Variants in FRYL observed in about 807,000 individuals in gnomAD.
FRYL encodes the protein protein furry homolog-like.
A neutral mutation model predicts 351.2 loss-of-function variants in FRYL; 150 were observed. The observed-to-expected ratio is 0.43, with a 90% CI of 0.37 to 0.49. The LOEUF (loss-of-function observed/expected upper bound fraction) is 0.49. Among genes scored for constraint, FRYL ranks in the 20% least tolerant of loss-of-function variants. FRYL has a pLI of 0.00. For missense variants in FRYL, 3,036 were observed against 3,619.3 expected, an observed-to-expected ratio of 0.84 and a Z score of 4.13; for synonymous variants, 1,153 against 1,257.1, an observed-to-expected ratio of 0.92 and a Z score of 1.75.
chr4:48,640,148 G>A (rs1388026399), intron 3 of FRYL, among the ~76,000 whole-genome samples: 1 of 152,040 alleles, frequency 6.6e-6, no homozygotes, highest in Non-Finnish European at 1.5e-5. Flanking sequence ...CAGGAAACAT[G>A]CTCCCTGGTA....
At chr4:48,505,363 G>T in intron 60 of FRYL, 184 bp downstream of exon 60, 20 of 616,684 alleles carry the variant, frequency 3.2e-5, no homozygotes, top group East Asian at 6.1e-5. Flanking sequence ...TTATTAAAGT[G>T]AATTTTTCAT....
intron 55 of FRYL, among the ~76,000 whole-genome samples, chr4:48,515,814 C>T (rs368132502): frequency 6.6e-6 from 1 of 152,054 alleles, no homozygotes; most frequent in Non-Finnish European, 1.5e-5. Context: ...TAGGTGTTTA[C>T]TTGGAAATAT....
chr4:48,637,364 CAG>C (rs879617318), intron 3 of FRYL: 4 of 151,952 alleles, frequency 2.6e-5, no homozygotes, highest in Non-Finnish European at 5.9e-5. Context: ...AGGAGAGAAA[CAG>C]GGATGATCAC....
intron 4 of FRYL, among the ~76,000 whole-genome samples, chr4:48,628,392 G>GA (rs548907409): frequency 1.0e-3 from 158 of 150,836 alleles, no homozygotes; most frequent in African/African-American, 3.6e-3. Context: ...TCTGGGTACA[G>GA]AAAAAATGTG....
intron 3 of FRYL, among the ~76,000 whole-genome samples, chr4:48,669,921 A>AT (rs56756869): frequency 0.026 from 3,965 of 149,628 alleles, 167 homozygotes; most frequent in African/African-American, 0.091. Flanking sequence ...TTTACTGTCA[A>AT]TTTTTTTTTT....
At chr4:48,752,137 C>T (rs923780222) in intron 1 of FRYL, among the ~76,000 whole-genome samples, 24 of 152,114 alleles carry the variant, frequency 1.6e-4, no homozygotes, top group African/African-American at 5.1e-4. Context: ...AGTATTATAT[C>T]GTAGTGGATG....
chr4:48,550,643 G>A lies in FRYL; in HGVS notation c.4582C>T (p.Leu1528=). Residue 1528 remains leucine, a synonymous_variant, in exon 38 of 64, where the codon CTA becomes TTA. Coordinates refer to ENST00000358350, the MANE Select transcript of FRYL (RefSeq NM_015030.2). Reference sequence around the variant, plus strand: ...GAGCTGCTACTGTATCGGGATTCTAGTCTGTGATGTTGCCGATTCAAATGA... The same window carrying A: ...GAGCTGCTACTGTATCGGGATTCTAATCTGTGATGTTGCCGATTCAAATGA... ...NSHLNRQHHR[L]ESRYSSSSGG... 6.2e-7 allele frequency: 1 copy of A among 1,613,956 alleles called. No individual in the cohort carries two copies.
chr4:48,623,117 T>C lies in FRYL; in HGVS notation c.174+9A>G. Reference sequence around the variant, plus strand: ...AGGGGAAAAAAAAATTCTCCCAAAATTGTCATACCTGATCAAACTGAAGAT... The same window carrying C: ...AGGGGAAAAAAAAATTCTCCCAAAACTGTCATACCTGATCAAACTGAAGAT... On this transcript the variant is annotated intron_variant, in intron 5 of 63. Coordinates refer to ENST00000358350, the MANE Select transcript of FRYL (RefSeq NM_015030.2). The C allele has an allele frequency of 1.3e-6, 2 of 1,574,976 alleles. No individual in the cohort carries two copies. The highest frequency in any genetic ancestry group is 1.7e-6 in the Non-Finnish European group (2 of 1,158,116).
In FRYL at chr4:48,551,512, T is replaced by G; in HGVS notation, c.4502A>C (p.Lys1501Thr). ...TDGNPDNKPI[K>T]ENIEESYVHL... is the part of the protein sequence containing the mutation. ...TACTTACCTCTCTTCAATATTCTCT[T>G]TAATGGGCTTATTATCAGGATTGCC... The change falls in exon 37 of 64, where the codon AAA (lysine) becomes ACA (threonine). Residue 1501 changes from lysine to threonine, a missense_variant. Transcript: ENST00000358350. 1.9e-6 allele frequency: 3 copies of G among 1,607,760 alleles called. No individual in the cohort carries two copies. The highest frequency in any genetic ancestry group is 2.6e-6 in the Non-Finnish European group (3 of 1,174,678).
chr4:48,697,747 C>T (rs1354711454), intron 2 of FRYL, among the ~76,000 whole-genome samples: 1 of 152,038 alleles, frequency 6.6e-6, no homozygotes, highest in Non-Finnish European at 1.5e-5. Flanking sequence ...GCATGAGCCA[C>T]CATGTCTGGC....
intron 3 of FRYL, among the ~76,000 whole-genome samples, chr4:48,672,536 A>C (rs1373213571): frequency 6.6e-6 from 1 of 152,230 alleles, no homozygotes; most frequent in African/African-American, 2.4e-5. Context: ...TTGTAGTAGG[A>C]AAAAGAAGTC....
intron 3 of FRYL, among the ~76,000 whole-genome samples, chr4:48,644,130 T>C (rs918164927): frequency 6.6e-5 from 10 of 152,198 alleles, no homozygotes; most frequent in African/African-American, 2.4e-4. Context: ...TTAGTAGAGA[T>C]AGGGTTTCCC....
chr4:48,554,450 CT>C (rs1331738369), intron 35 of FRYL, among the ~76,000 whole-genome samples: 3 of 152,140 alleles, frequency 2.0e-5, no homozygotes, highest in Non-Finnish European at 2.9e-5. Context: ...GCAATTCCCC[CT>C]GCGTCAGCCT....
chr4:48,523,191 G>C, intron 53 of FRYL, 87 bp from the exon 54 acceptor site: 1 of 869,866 alleles, frequency 1.1e-6, no homozygotes, highest in Admixed American at 2.4e-5. Context: ...CATATACCAA[G>C]ATGAAAAATA....
At position 48,529,254 on chromosome 4, in the gene FRYL, A is replaced by T. The variant is rs142028159; in HGVS notation, c.6904-918T>A. Among the ~76,000 whole-genome samples, 10 of 152,290 alleles carry T rather than the reference A, an allele frequency of 6.6e-5. No homozygotes were observed. The East Asian group carries it at 1.9e-3, about 29-fold the overall frequency. On this transcript the variant is annotated intron_variant, in intron 50 of 63. Coordinates refer to ENST00000358350, the MANE Select transcript of FRYL (RefSeq NM_015030.2). ...GTGTAATCAAACTTGGACACTTACC[A>T]TGCTGACTGTAAACTGTTTATGTGC... is the stretch of plus-strand genomic sequence containing the variant.
At chr4:48,506,724 A>G (rs1184685476) in intron 59 of FRYL, 2 of 145,044 alleles carry the variant, frequency 1.4e-5, no homozygotes, top group African/African-American at 5.2e-5. Flanking sequence ...CTACTCTGAA[A>G]GTATTTTAGT....
intron 7 of FRYL, chr4:48,618,085 C>A (rs1749904249): frequency 6.6e-6 from 1 of 152,092 alleles, no homozygotes. Context: ...GTGACTGCTG[C>A]CTTAAGGTCT....
chr4:48,541,654 G>A (rs1441311422), intron 45 of FRYL, among the ~76,000 whole-genome samples: 2 of 152,132 alleles, frequency 1.3e-5, no homozygotes, highest in African/African-American at 4.8e-5. Context: ...GTCAATTCTG[G>A]GCTTGCAAGG....
chr4:48,555,947 T>A (rs762254901), intron 35 of FRYL, among the ~76,000 whole-genome samples: 1 of 152,216 alleles, frequency 6.6e-6, no homozygotes, highest in African/African-American at 2.4e-5. Flanking sequence ...CAGGCTGGAG[T>A]GCAGTGGTGC....
Sources: allele counts gnomAD v4.1 joint callset (sites outside exome capture counted in the v4.1 genomes callset), GRCh38; gene constraint gnomAD v4.1.1; transcripts MANE v1.5; gene names NCBI Gene and HGNC (gene_info 2026-07-23, HGNC 2026-07-21).